The following PDE7B variants were observed in gnomAD, a reference collection of about 807,000 sequenced individuals.
The protein encoded by PDE7B is 3',5'-cyclic-AMP phosphodiesterase 7B.
PDE7B carries 29 observed loss-of-function variants against 56.2 expected under a neutral mutation model. The ratio of observed to expected loss-of-function variants is 0.52; its 90% confidence interval spans 0.38 to 0.70. PDE7B has a LOEUF of 0.70. Ranked by LOEUF, PDE7B falls within the 30% of genes least tolerant of loss-of-function variation. The pLI, the probability that PDE7B is intolerant of heterozygous loss-of-function variation, is 0.00. For synonymous variants in PDE7B, 197 were observed against 196.9 expected (o/e 1.00, Z 0.00); for missense variants, 490 against 565.0 (o/e 0.87, Z 1.35).
chr6:135,969,152 G>C (rs1490320261), intron 2 of PDE7B, among the ~76,000 whole-genome samples: 1 of 152,006 alleles, frequency 6.6e-6, no homozygotes, highest in Non-Finnish European at 1.5e-5. Context: ...GTGTGGAGTG[G>C]GGGTGTTGGG....
At chr6:135,974,281 G>C (rs1775145224) in intron 2 of PDE7B, among the ~76,000 whole-genome samples, 1 of 151,558 alleles carries the variant, frequency 6.6e-6, no homozygotes, top group Non-Finnish European at 1.5e-5. Flanking sequence ...ATCTCTCTGT[G>C]TGTCTATATA....
intron 8 of PDE7B, among the ~76,000 whole-genome samples, chr6:136,168,841 G>A (rs1778837702): frequency 6.6e-6 from 1 of 152,118 alleles, no homozygotes; most frequent in Admixed American, 6.6e-5. Context: ...TCCAATGTGG[G>A]TTTAGAAACT....
At chr6:136,152,348 T>C (rs1353941738) in intron 6 of PDE7B, among the ~76,000 whole-genome samples, 1 of 152,200 alleles carries the variant, frequency 6.6e-6, no homozygotes, top group Middle Eastern at 3.2e-3. Flanking sequence ...AAAATAATAA[T>C]AACTACCATT....
intron 2 of PDE7B, among the ~76,000 whole-genome samples, chr6:136,105,775 T>G (rs1006057035): frequency 2.0e-5 from 3 of 152,314 alleles, no homozygotes; most frequent in Non-Finnish European, 4.4e-5. Flanking sequence ...CCCAGTGTAT[T>G]GCCCTCCCTT....
intron 1 of PDE7B, among the ~76,000 whole-genome samples, chr6:135,875,649 A>G (rs1775477968): frequency 6.6e-6 from 1 of 152,142 alleles, no homozygotes; most frequent in East Asian, 1.9e-4. Flanking sequence ...TCCTTCATGA[A>G]TTCATTTTTA....
At position 135,989,830 on chromosome 6, in the gene PDE7B, T is replaced by C. The variant is rs536351958; in HGVS notation, c.82+42306T>C. ...TTTCTCTCTATTTTCTTGGTTCTGT[T>C]TGCTGTTTTGTTATTGCATGAGCAA... On this transcript the variant is annotated intron_variant, in intron 2 of 12. Transcript: ENST00000308191. Among the ~76,000 whole-genome samples the C allele has an allele frequency of 1.6e-4, 25 of 152,224 alleles. No individual in the cohort carries two copies. In the South Asian group the frequency reaches 5.2e-3, roughly 32 times the overall value.
rs183388589 is a variant in PDE7B at position 136,015,330 on chromosome 6, C to T, written c.82+67806C>T. ...AATTGTCAGCGGATATAACCCTTGC[C>T]TTTCTTTGAAGTGTGAGCTATCAAA... On this transcript the variant is annotated intron_variant, in intron 2 of 12. Transcript: ENST00000308191. Among the ~76,000 whole-genome samples, 519 of 152,302 alleles carry T rather than the reference C, an allele frequency of 3.4e-3. 1 individual carries two copies. Among genetic ancestry groups the T allele is most frequent in the African/African-American group, 0.011 (441 of 41,580 alleles).
intron 1 of PDE7B, among the ~76,000 whole-genome samples, chr6:135,909,051 GT>G: frequency 6.6e-6 from 1 of 152,156 alleles, no homozygotes; most frequent in East Asian, 1.9e-4. Context: ...TGGATCTTAT[GT>G]TAGTTATGAC....
intron 12 of PDE7B, among the ~76,000 whole-genome samples, chr6:136,191,328 C>T (rs1411784394): frequency 6.6e-6 from 1 of 152,192 alleles, no homozygotes; most frequent in Non-Finnish European, 1.5e-5. Flanking sequence ...AGGCTGAAAA[C>T]ATTTGCCATT....
chr6:136,139,144 A>G (rs1208127528), intron 3 of PDE7B, among the ~76,000 whole-genome samples: 2 of 152,010 alleles, frequency 1.3e-5, no homozygotes, highest in African/African-American at 2.4e-5. Context: ...AACAGGCCCC[A>G]GTGTGTGATG....
intron 1 of PDE7B, among the ~76,000 whole-genome samples, chr6:135,914,013 G>A (rs1776254521): frequency 1.3e-5 from 2 of 152,170 alleles, no homozygotes; most frequent in Admixed American, 6.5e-5. Flanking sequence ...TTGAGTGAGT[G>A]TGAGATCTCA....
intron 1 of PDE7B, among the ~76,000 whole-genome samples, chr6:135,909,825 A>T (rs1429553934): frequency 1.3e-5 from 2 of 152,128 alleles, no homozygotes; most frequent in Non-Finnish European, 2.9e-5. Flanking sequence ...TGGAGACAAA[A>T]GTGCAAGGTA....
chr6:135,882,632 C>T (rs1347256085), intron 1 of PDE7B, among the ~76,000 whole-genome samples: 1 of 152,174 alleles, frequency 6.6e-6, no homozygotes, highest in East Asian at 1.9e-4. Context: ...ATTTTCACTT[C>T]TCAAAGAAAA....
At chr6:135,943,529 G>C (rs1774542291) in intron 1 of PDE7B, among the ~76,000 whole-genome samples, 1 of 152,234 alleles carries the variant, frequency 6.6e-6, no homozygotes, top group African/African-American at 2.4e-5. Context: ...CAAACATCCA[G>C]TAAGCTGTCA....
chr6:135,954,580 T>C (rs1054878926), intron 2 of PDE7B, among the ~76,000 whole-genome samples: 5 of 152,128 alleles, frequency 3.3e-5, no homozygotes, highest in African/African-American at 7.2e-5. Context: ...CCCAACCCTC[T>C]GCTAGGAGTA....
intron 8 of PDE7B, among the ~76,000 whole-genome samples, chr6:136,169,496 A>G (rs563633997): frequency 1.4e-3 from 213 of 152,324 alleles, no homozygotes; most frequent in African/African-American, 4.9e-3. Context: ...GAAGATGTTA[A>G]GTCAGGCTGG....
At chr6:136,107,233 C>T (rs1355165147) in intron 2 of PDE7B, among the ~76,000 whole-genome samples, 3 of 152,188 alleles carry the variant, frequency 2.0e-5, no homozygotes, top group Non-Finnish European at 4.4e-5. Flanking sequence ...GAGGACTGTT[C>T]TTCCTTTCAG....
At chr6:135,874,230 G>A (rs1199648535) in intron 1 of PDE7B, among the ~76,000 whole-genome samples, 1 of 152,246 alleles carries the variant, frequency 6.6e-6, no homozygotes, top group East Asian at 1.9e-4. Context: ...ATCTGATGTC[G>A]TGAGTCTCTC....
At chr6:136,089,014 G>A (rs1357827678) in intron 2 of PDE7B, among the ~76,000 whole-genome samples, 4 of 151,142 alleles carry the variant, frequency 2.6e-5, no homozygotes, top group African/African-American at 9.7e-5. Flanking sequence ...AAAGAAACAC[G>A]GGGAACTATC....
Sources: gnomAD v4.1 joint callset for allele counts (sites outside exome capture counted in the v4.1 genomes callset) on GRCh38, gnomAD v4.1.1 for gene constraint, MANE v1.5 for transcripts, NCBI Gene and HGNC (gene_info 2026-07-23, HGNC 2026-07-21) for gene names.